LRRC4C: variants seen among roughly 807,000 people sequenced by gnomAD.
LRRC4C encodes leucine-rich repeat-containing protein 4C.
In LRRC4C, 5 loss-of-function variants were observed where a neutral mutation model predicts 33.6. That is an observed-to-expected ratio of 0.15 (90% CI 0.08 to 0.31). The LOEUF (loss-of-function observed/expected upper bound fraction) is 0.31, where lower values mean the gene tolerates loss of function less well. Ranked by LOEUF, LRRC4C falls within the 10% of genes least tolerant of loss-of-function variation. LRRC4C has a pLI of 1.00. For synonymous variants in LRRC4C, 329 were observed against 302.0 expected, an observed-to-expected ratio of 1.09 and a Z score of -0.93; for missense variants, 560 against 796.7, an observed-to-expected ratio of 0.70 and a Z score of 3.58.
intron 1 of LRRC4C, among the ~76,000 whole-genome samples, chr11:41,378,152 A>T (rs915777440): frequency 3.3e-4 from 50 of 151,988 alleles, no homozygotes; most frequent in Admixed American, 2.4e-3. Flanking sequence ...GGAAGCAATA[A>T]AAAAAAAGCA....
intron 1 of LRRC4C, among the ~76,000 whole-genome samples, chr11:41,249,251 G>C (rs998450740): frequency 1.3e-4 from 20 of 152,054 alleles, no homozygotes; most frequent in Admixed American, 1.0e-3. Flanking sequence ...AGCCAGGATG[G>C]TCTCGATCTC....
intron 2 of LRRC4C, among the ~76,000 whole-genome samples, chr11:40,765,297 C>T (rs1949397732): frequency 6.6e-6 from 1 of 152,114 alleles, no homozygotes; most frequent in African/African-American, 2.4e-5. Context: ...TAATACCTCT[C>T]CCCTCTCTCT....
chr11:41,114,908 G>A (rs2135723786), intron 1 of LRRC4C, among the ~76,000 whole-genome samples: 1 of 152,150 alleles, frequency 6.6e-6, no homozygotes, highest in East Asian at 1.9e-4. Context: ...TAATTTTAGA[G>A]AAGTATTTGT....
intron 1 of LRRC4C, among the ~76,000 whole-genome samples, chr11:41,085,296 C>T (rs1007245401): frequency 6.6e-6 from 1 of 152,108 alleles, no homozygotes; most frequent in Admixed American, 6.6e-5. Context: ...TTACCCTGGG[C>T]TCTCAAGCTA....
intron 3 of LRRC4C, among the ~76,000 whole-genome samples, chr11:40,334,006 C>G (rs1946483968): frequency 6.6e-6 from 1 of 152,148 alleles, no homozygotes; most frequent in South Asian, 2.1e-4. Context: ...ACATCACTGT[C>G]TGCTGACTGG....
At chr11:40,768,009 G>A (rs1949559444) in intron 2 of LRRC4C, among the ~76,000 whole-genome samples, 2 of 151,616 alleles carry the variant, frequency 1.3e-5, no homozygotes, top group African/African-American at 4.8e-5. Flanking sequence ...AAGGGGAAAA[G>A]CAATACAAAA....
In LRRC4C at chr11:40,867,281, G is replaced by A. The variant is rs148301681; in HGVS notation, c.-407+66354C>T. Among the ~76,000 whole-genome samples, 408 of 152,202 alleles carry A rather than the reference G, an allele frequency of 2.7e-3. 4 individuals carry two copies. Among genetic ancestry groups the A allele is most frequent in the African/African-American group, 8.4e-3 (350 of 41,524 alleles). ...TATCTACAATGTAGGAAGCATGGACGTGGGCTTTGGATTTAGAAAGATGAG... is the reference window on the plus strand; with the variant it reads ...TATCTACAATGTAGGAAGCATGGACATGGGCTTTGGATTTAGAAAGATGAG... On this transcript the variant is annotated intron_variant, in intron 2 of 6. Transcript: ENST00000528697.
rs186440617 is a variant in LRRC4C, at chr11:41,350,966, A to G, written c.-496+108465T>C. Reference sequence around the variant, plus strand: ...ATATAGAGGCTGGGTGTGGTGGCTCATGCCTATAATCCCAGCAGTTTGGGA... The same window carrying G: ...ATATAGAGGCTGGGTGTGGTGGCTCGTGCCTATAATCCCAGCAGTTTGGGA... On this transcript the variant is annotated intron_variant, in intron 1 of 6. Transcript: ENST00000528697. Among the ~76,000 whole-genome samples the G allele has an allele frequency of 8.5e-4, 130 of 152,314 alleles. 1 individual carries two copies. The highest frequency in any genetic ancestry group is 1.4e-3 in the South Asian group (7 of 4,830).
At chr11:40,295,573 A>G (rs1944469134) in intron 4 of LRRC4C, among the ~76,000 whole-genome samples, 1 of 152,136 alleles carries the variant, frequency 6.6e-6, no homozygotes, top group African/African-American at 2.4e-5. Flanking sequence ...TTCTGTTCCC[A>G]TTATACTCCA....
chr11:40,515,754 T>A (rs1955535319), intron 3 of LRRC4C, among the ~76,000 whole-genome samples: 1 of 152,042 alleles, frequency 6.6e-6, no homozygotes, highest in Non-Finnish European at 1.5e-5. Flanking sequence ...AAATCAGGTG[T>A]TTTTCCTGCT....
chr11:40,993,907 A>G (rs894903735), intron 1 of LRRC4C, among the ~76,000 whole-genome samples: 1 of 152,148 alleles, frequency 6.6e-6, no homozygotes, highest in Non-Finnish European at 1.5e-5. Flanking sequence ...GCTGGGGAAG[A>G]AAGCTCAAAG....
chr11:40,515,409 CTTTCT>C (rs972138102), intron 3 of LRRC4C, among the ~76,000 whole-genome samples: 3 of 151,962 alleles, frequency 2.0e-5, no homozygotes, highest in Non-Finnish European at 4.4e-5. Context: ...GAAAGAAAAA[CTTTCT>C]TTTCTATATG....
At chr11:41,075,014 C>CTTTTTTTTTTTTTTTTTTT (rs869112602) in intron 1 of LRRC4C, among the ~76,000 whole-genome samples, 1 of 101,128 alleles carries the variant, frequency 9.9e-6, no homozygotes, top group African/African-American at 3.2e-5. Context: ...CTTCAATTTT[C>CTTTTTTTTTTTTTTTTTTT]TTTTTTTTTT....
At chr11:40,685,273 G>T (rs1442417510) in intron 2 of LRRC4C, among the ~76,000 whole-genome samples, 1 of 151,942 alleles carries the variant, frequency 6.6e-6, no homozygotes, top group South Asian at 2.1e-4. Flanking sequence ...TCTATGTTAT[G>T]TATCTCCATA....
At position 41,049,475 on chromosome 11, in the gene LRRC4C, A is replaced by G. The variant is rs1858043063; in HGVS notation, c.-495-115752T>C. Among the ~76,000 whole-genome samples, 5 of 152,302 alleles carry G rather than the reference A, an allele frequency of 3.3e-5. No individual in the cohort carries two copies. The South Asian group carries it at 1.0e-3, about 32-fold the overall frequency. ...GGAAGTTGTGAGAAACCCAGAGTAA[A>G]TTGAGATTTTTGAAAAGTTAATTTC... On this transcript the variant is annotated intron_variant, in intron 1 of 6. Coordinates refer to ENST00000528697, the MANE Select transcript of LRRC4C (RefSeq NM_001258419.2).
intron 1 of LRRC4C, among the ~76,000 whole-genome samples, chr11:41,090,441 CAT>C (rs1342607661): frequency 6.6e-6 from 1 of 152,018 alleles, no homozygotes; most frequent in Non-Finnish European, 1.5e-5. Flanking sequence ...AAGACACAAA[CAT>C]ATTTTAGTTT....
At chr11:40,635,321 G>A (rs1268269250) in intron 3 of LRRC4C, among the ~76,000 whole-genome samples, 1 of 152,110 alleles carries the variant, frequency 6.6e-6, no homozygotes, top group African/African-American at 2.4e-5. Flanking sequence ...TTTTTCTAAA[G>A]CTTTTCCAGA....
chr11:41,084,775 G>A (rs1590492994), intron 1 of LRRC4C, among the ~76,000 whole-genome samples: 2 of 152,142 alleles, frequency 1.3e-5, no homozygotes, highest in South Asian at 4.1e-4. Flanking sequence ...CTTGAACCCG[G>A]AAGGTGGAGG....
At chr11:41,357,327 G>T (rs1365187934) in intron 1 of LRRC4C, among the ~76,000 whole-genome samples, 1 of 152,104 alleles carries the variant, frequency 6.6e-6, no homozygotes, top group Non-Finnish European at 1.5e-5. Context: ...TATATTTTAG[G>T]TAGTAGTGGT....
Sources: gnomAD v4.1 joint callset for allele counts (sites outside exome capture counted in the v4.1 genomes callset) on GRCh38, gnomAD v4.1.1 for gene constraint, MANE v1.5 for transcripts, NCBI Gene and HGNC (gene_info 2026-07-23, HGNC 2026-07-21) for gene names.